PAPPA: variants seen among roughly 807,000 people sequenced by gnomAD.
PAPPA encodes pappalysin 1.
PAPPA carries 60 observed loss-of-function variants against 164.0 expected under a neutral mutation model. The ratio of observed to expected loss-of-function variants is 0.37; its 90% CI spans 0.30 to 0.45. The LOEUF is 0.45. PAPPA is among the 20% of genes least tolerant of loss of function. The probability of loss-of-function intolerance (pLI) is 1.00; values close to 1 mark genes in which losing one functional copy is unlikely to be tolerated. For missense variants in PAPPA, 1,782 were observed against 2,087.3 expected (o/e 0.85, Z 2.85); for synonymous variants, 875 against 814.1 (o/e 1.07, Z -1.27).
rs539752246 is a variant in PAPPA, at chr9:116,364,586, C to T, written c.4495+1847C>T. ...ACATGCAATACATACAAATCTCATA[C>T]TTCAACAAACACAAACACATTTTAT... On this transcript the variant is annotated intron_variant, in intron 18 of 21. Coordinates refer to ENST00000328252, the MANE Select transcript of PAPPA (RefSeq NM_002581.5). Among the ~76,000 whole-genome samples the T allele has an allele frequency of 5.3e-5, 8 of 152,288 alleles. No homozygotes were observed. The East Asian group carries it at 1.5e-3, about 29-fold the overall frequency.
intron 21 of PAPPA, among the ~76,000 whole-genome samples, chr9:116,395,400 G>A (rs968407221): frequency 5.9e-5 from 9 of 152,202 alleles, no homozygotes; most frequent in Non-Finnish European, 1.0e-4. Flanking sequence ...CTGAGACTAC[G>A]TGACCACTTG....
chr9:116,258,423 A>C (rs748370207), intron 7 of PAPPA, among the ~76,000 whole-genome samples: 10 of 152,016 alleles, frequency 6.6e-5, no homozygotes, highest in Non-Finnish European at 1.3e-4. Context: ...TTGAGAGGCC[A>C]AGGCAGGCAG....
At chr9:116,211,441 C>T (rs999977462) in intron 3 of PAPPA, among the ~76,000 whole-genome samples, 198 bp from the exon 4 acceptor site, 2 of 152,146 alleles carry the variant, frequency 1.3e-5, no homozygotes, top group Admixed American at 6.5e-5. Context: ...TACAAAATGA[C>T]TTTTGAGATT....
intron 10 of PAPPA, among the ~76,000 whole-genome samples, chr9:116,326,083 C>T (rs1365858306): frequency 6.6e-6 from 1 of 152,064 alleles, no homozygotes; most frequent in Non-Finnish European, 1.5e-5. Context: ...TTGGAGAGGA[C>T]TGTCCAATGG....
intron 20 of PAPPA, among the ~76,000 whole-genome samples, chr9:116,378,249 T>TAGAG (rs1846681061): frequency 6.6e-6 from 1 of 152,190 alleles, no homozygotes; most frequent in African/African-American, 2.4e-5. Context: ...CTTGGAATTA[T>TAGAG]AGAGATCTGT....
chr9:116,187,493 A>G lies in PAPPA; in HGVS notation c.755A>G (p.Tyr252Cys), dbSNP rs1361509568. ...GCCCTGAATCACAACTACCGGGGCT[A>G]CATCGAGCACTTCAGTCTGTGGAAG... Reference protein sequence around the residue: ...GSALNHNYRGYIEHFSLWKVA... With the variant: ...GSALNHNYRGCIEHFSLWKVA... The change falls in exon 2 of 22, where the codon TAC (tyrosine) becomes TGC (cysteine). Residue 252 changes from tyrosine to cysteine, a missense_variant. This residue lies in a region of PAPPA where 458 missense variants were observed against 430.3 expected (regional missense o/e 1.06). Coordinates refer to ENST00000328252, the MANE Select transcript of PAPPA (RefSeq NM_002581.5). The surrounding 1 kb of genome is among the most constrained non-coding windows in gnomAD (Gnocchi z 4.2). 1.9e-6 allele frequency: 3 copies of G among 1,614,180 alleles called. No homozygotes were observed. The highest frequency in any genetic ancestry group is 2.2e-5 in the South Asian group (2 of 91,082).
At chr9:116,305,132 CAG>C (rs1231503098) in intron 10 of PAPPA, among the ~76,000 whole-genome samples, 2 of 124,650 alleles carry the variant, frequency 1.6e-5, no homozygotes, top group African/African-American at 2.8e-5. Flanking sequence ...CGTGGGCACA[CAG>C]ACACACACAC....
chr9:116,337,596 C>T (rs1846077935), intron 13 of PAPPA, among the ~76,000 whole-genome samples: 1 of 151,796 alleles, frequency 6.6e-6, no homozygotes, highest in South Asian at 2.1e-4. Flanking sequence ...TACTGTTTCT[C>T]CCCTCCCCTT....
intron 6 of PAPPA, among the ~76,000 whole-genome samples, chr9:116,229,750 G>A (rs1467411450): frequency 6.6e-6 from 1 of 152,206 alleles, no homozygotes; most frequent in East Asian, 1.9e-4. Context: ...GGATTTGGTT[G>A]CTAGAGGAAG....
intron 7 of PAPPA, among the ~76,000 whole-genome samples, chr9:116,255,724 A>T (rs1844919700): frequency 6.6e-6 from 1 of 151,916 alleles, no homozygotes; most frequent in South Asian, 2.1e-4. Context: ...TAACACTTTT[A>T]AAATAAGGAT....
intron 9 of PAPPA, among the ~76,000 whole-genome samples, chr9:116,284,126 A>G (rs896668627): frequency 2.6e-5 from 4 of 152,218 alleles, no homozygotes; most frequent in Admixed American, 2.0e-4. Flanking sequence ...TGTTTGTGAC[A>G]GTTCCTGTCT....
Position 116,344,640 on chromosome 9 carries a change from C to A in PAPPA, c.3709C>A (p.Gln1237Lys). Residue 1237 changes from glutamine to lysine, a missense_variant, in exon 14 of 22, where the codon CAG (glutamine) becomes AAG (lysine). By Grantham distance (53) the Gln-to-Lys change is moderately conservative (BLOSUM62 1). This residue lies in a region of PAPPA where 1,324 missense variants were observed against 1,656.9 expected (regional missense o/e 0.80). Coordinates refer to ENST00000328252, the MANE Select transcript of PAPPA (RefSeq NM_002581.5). ...CAGCAGCGACCGCTACCACGGTGCCCAGTGTACTGTGAGCTGCCGGACAGG... is the reference window on the plus strand; with the variant it reads ...CAGCAGCGACCGCTACCACGGTGCCAAGTGTACTGTGAGCTGCCGGACAGG... ...CSSSDRYHGA[Q>K]CTVSCRTGYV... 6.2e-7 allele frequency: 1 copy of A among 1,614,142 alleles called. No individual in the cohort carries two copies. The highest frequency in any genetic ancestry group is 8.5e-7 in the Non-Finnish European group (1 of 1,180,006).
chr9:116,185,181 A>G (rs1250378796), intron 1 of PAPPA, among the ~76,000 whole-genome samples: 2 of 152,182 alleles, frequency 1.3e-5, no homozygotes, highest in East Asian at 3.9e-4. Flanking sequence ...CTCCTTTACC[A>G]GATAGAGAAT....
rs73656807 is a variant in PAPPA at position 116,334,597 on chromosome 9, G to T, written c.3398-264G>T. Reference sequence around the variant, plus strand: ...TGCTTGGCTGAGGGGTGGCCATTTGGGGGAGGGAGAGGGACTTTGGGCAGT... The same window carrying T: ...TGCTTGGCTGAGGGGTGGCCATTTGTGGGAGGGAGAGGGACTTTGGGCAGT... On this transcript the variant is annotated intron_variant, in intron 12 of 21. Coordinates refer to ENST00000328252, the MANE Select transcript of PAPPA (RefSeq NM_002581.5). Among the ~76,000 whole-genome samples the T allele has an allele frequency of 8.6e-3, 1,303 of 152,232 alleles. 18 individuals are homozygous for T. Among genetic ancestry groups the T allele is most frequent in the African/African-American group, 0.029 (1,214 of 41,518 alleles).
intron 9 of PAPPA, among the ~76,000 whole-genome samples, chr9:116,288,321 A>T (rs2118857956): frequency 6.6e-6 from 1 of 152,148 alleles, no homozygotes; most frequent in East Asian, 1.9e-4. Context: ...GTGAGCCAAG[A>T]TTGCGCCACC....
chr9:116,332,747 C>A, intron 12 of PAPPA: 1 of 295,436 alleles, frequency 3.4e-6, no homozygotes, highest in Non-Finnish European at 6.4e-6. Flanking sequence ...CCCACAGACC[C>A]CAAGAAGGAG....
chr9:116,223,560 A>G (rs1178153400), intron 5 of PAPPA, among the ~76,000 whole-genome samples: 2 of 152,210 alleles, frequency 1.3e-5, no homozygotes, highest in Non-Finnish European at 2.9e-5. Flanking sequence ...TTAAGATTTC[A>G]TAACATAGTT....
At chr9:116,189,141 A>G (rs1204707705) in intron 2 of PAPPA, among the ~76,000 whole-genome samples, 1 of 152,224 alleles carries the variant, frequency 6.6e-6, no homozygotes, top group Non-Finnish European at 1.5e-5. Context: ...AAATCTAGAG[A>G]TCTAATGAAC....
intron 10 of PAPPA, among the ~76,000 whole-genome samples, chr9:116,305,879 AGTGTCAC>A (rs139494301): frequency 1.8e-3 from 273 of 152,308 alleles, no homozygotes; most frequent in African/African-American, 6.4e-3. Context: ...CTCAGCATTG[AGTGTCAC>A]TCTGCAGACC....
Sources: gnomAD v4.1 joint callset for allele counts (sites outside exome capture counted in the v4.1 genomes callset) on GRCh38, gnomAD v4.1.1 for gene constraint, gnomAD v4.1.1 regional missense constraint, Gnocchi (gnomAD v3.1) non-coding constraint, MANE v1.5 for transcripts, NCBI Gene and HGNC (gene_info 2026-07-23, HGNC 2026-07-21) for gene names.